Variants in ZBTB40 observed in about 807,000 individuals in gnomAD.
ZBTB40 encodes zinc finger and BTB domain-containing protein 40.
In ZBTB40, 60 loss-of-function variants were observed where a neutral mutation model predicts 117.5. That is an observed-to-expected ratio of 0.51 (90% CI 0.41 to 0.63). The LOEUF is 0.63. Among genes scored for constraint, ZBTB40 ranks in the 30% least tolerant of loss-of-function variants. The probability of loss-of-function intolerance (pLI) is 0.00; values close to 1 mark genes in which losing one functional copy is unlikely to be tolerated. For synonymous variants in ZBTB40, 525 were observed against 577.1 expected (o/e 0.91, Z 1.29); for missense variants, 1,287 against 1,498.5 (o/e 0.86, Z 2.33).
At chr1:22,438,608 C>T (rs1277786541) in intron 1 of ZBTB40, among the ~76,000 whole-genome samples, 1 of 152,184 alleles carries the variant, frequency 6.6e-6, no homozygotes, top group African/African-American at 2.4e-5. Context: ...CTGTTTTCCA[C>T]AGCAAGTGTA....
chr1:22,492,135 G>T (rs1369102229), intron 3 of ZBTB40, among the ~76,000 whole-genome samples: 1 of 152,178 alleles, frequency 6.6e-6, no homozygotes, highest in East Asian at 1.9e-4. Context: ...TCTCAAAGAG[G>T]TGGTGTAATT....
chr1:22,490,731 C>G, intron 2 of ZBTB40, 86 bp downstream of exon 2: 1 of 1,512,660 alleles, frequency 6.6e-7, no homozygotes, highest in Non-Finnish European at 8.9e-7. Flanking sequence ...TTATCAAAGA[C>G]CACTGTTAGG....
rs1443320251 is a variant in ZBTB40 at position 22,524,251 on chromosome 1, C to T, written c.3332C>T (p.Ala1111Val). ...SQPFRCLYCA[A>V]TFRFPGALQH... The stretch of plus-strand genomic sequence containing the variant: ...CCATTCCGGTGCTTGTACTGTGCTG[C>T]TACTTTCCGTTTTCCTGGAGCATTG... Residue 1111 changes from alanine (A) to valine (V), a missense_variant, in exon 17 of 18, where the codon GCT becomes GTT. Coordinates refer to ENST00000375647, the MANE Select transcript of ZBTB40 (RefSeq NM_014870.4). The T allele has an allele frequency of 6.2e-7, 1 of 1,614,076 alleles. No homozygotes were observed. The highest frequency in any genetic ancestry group is 1.3e-5 in the African/African-American group (1 of 74,910).
At chr1:22,449,133 G>A (rs901581959), upstream of ZBTB40, among the ~76,000 whole-genome samples, 3 of 151,958 alleles carry the variant, frequency 2.0e-5, no homozygotes, top group African/African-American at 4.8e-5. Context: ...TTCTTACTAC[G>A]GCCAGGAACA....
At chr1:22,443,089 CA>C (rs1264534189) in intron 1 of ZBTB40, among the ~76,000 whole-genome samples, 1 of 152,154 alleles carries the variant, frequency 6.6e-6, no homozygotes. Context: ...ATAATCATTT[CA>C]AAATACTCCA....
chr1:22,436,772 A>T (rs1288642339), intron 1 of ZBTB40, among the ~76,000 whole-genome samples: 1 of 152,184 alleles, frequency 6.6e-6, no homozygotes, highest in Non-Finnish European at 1.5e-5. Context: ...CTGATATGAA[A>T]TTCTAGGATA....
intron 1 of ZBTB40, among the ~76,000 whole-genome samples, chr1:22,443,699 C>T (rs1640758421): frequency 1.3e-5 from 2 of 152,198 alleles, no homozygotes; most frequent in South Asian, 2.1e-4. Flanking sequence ...TGCAAATTTC[C>T]CCCGCAAGAG....
At position 22,469,811 on chromosome 1, in the gene ZBTB40, A is replaced by G. The variant is rs143799465; in HGVS notation, c.-70+17807A>G. ...CTTGGCCTCCCAAAGTGCTGCTATT[A>G]CAGGTGTGAGCCAGTGTGCCCGGCC... On this transcript the variant is annotated intron_variant, in intron 1 of 17. Coordinates refer to ENST00000375647, the MANE Select transcript of ZBTB40 (RefSeq NM_014870.4). Among the ~76,000 whole-genome samples, 134 of 152,348 alleles carry G rather than the reference A, an allele frequency of 8.8e-4. 1 individual carries two copies. The highest frequency in any genetic ancestry group is 3.0e-3 in the African/African-American group (125 of 41,566).
At chr1:22,475,671 T>G (rs1641536031) in intron 1 of ZBTB40, among the ~76,000 whole-genome samples, 1 of 152,224 alleles carries the variant, frequency 6.6e-6, no homozygotes, top group African/African-American at 2.4e-5. Flanking sequence ...TTCCCTCTTC[T>G]TGACTCTTGT....
Position 22,472,630 on chromosome 1 carries a change from G to T in ZBTB40, c.-69-17250G>T, listed in dbSNP as rs186201610. On this transcript the variant is annotated intron_variant, in intron 1 of 17. Coordinates refer to ENST00000375647, the MANE Select transcript of ZBTB40 (RefSeq NM_014870.4). ...TTGATTCTGTGAGAGACGACAGATG[G>T]CATAATGGCTAGAAAGGAAATGTCA... Among the ~76,000 whole-genome samples, 423 of 152,330 alleles carry T rather than the reference G, an allele frequency of 2.8e-3. 5 individuals are homozygous for T. The highest frequency in any genetic ancestry group is 0.024 in the South Asian group (115 of 4,830).
chr1:22,482,448 A>G (rs1638349152), intron 1 of ZBTB40, among the ~76,000 whole-genome samples: 1 of 152,158 alleles, frequency 6.6e-6, no homozygotes. Context: ...CTCACACCAT[A>G]TTGGTACATT....
chr1:22,457,484 C>T (rs1336023963), intron 1 of ZBTB40, among the ~76,000 whole-genome samples: 1 of 152,146 alleles, frequency 6.6e-6, no homozygotes, highest in Non-Finnish European at 1.5e-5. Flanking sequence ...TCCATTTAAG[C>T]ATTAGAGATT....
At chr1:22,453,335 G>A (rs1190302310) in intron 1 of ZBTB40, among the ~76,000 whole-genome samples, 1 of 152,136 alleles carries the variant, frequency 6.6e-6, no homozygotes, top group African/African-American at 2.4e-5. Context: ...CCCCATGCAT[G>A]TACGCATGCA....
chr1:22,501,342 A>T (rs967053318), intron 3 of ZBTB40, 150 bp from the exon 4 acceptor site: 5 of 806,156 alleles, frequency 6.2e-6, no homozygotes, highest in Admixed American at 4.0e-5. Context: ...GCTTGTTGGA[A>T]CTGCTGCTGG....
Position 22,528,156 on chromosome 1 carries a change from G to C in ZBTB40, c.*1760G>C, listed in dbSNP as rs566065526. 8.5e-5 allele frequency: 13 copies of C among 152,888 alleles called. No homozygotes were observed. Among genetic ancestry groups the C allele is most frequent in the African/African-American group, 3.1e-4 (13 of 41,568 alleles). The allele number at this position is 152,888 out of a possible 1,614,324, so 9.5% of individuals were successfully genotyped here. A position where few individuals can be genotyped will look rare whatever the true frequency, so the allele number is the denominator to read the frequency against. On this transcript the variant is annotated 3_prime_UTR_variant, in exon 18 of 18. Transcript: ENST00000375647. ...CTACCAAGGCTGTGCCTGTATTAAG[G>C]CTTTTCCGTCCTGGGAACTGTCAGT...
chr1:22,516,782 G>T (rs1272749193), intron 12 of ZBTB40, among the ~76,000 whole-genome samples: 4 of 152,042 alleles, frequency 2.6e-5, no homozygotes. Context: ...ATAATCTTTG[G>T]CAGTCTGGTC....
chr1:22,437,495 A>T, intron 1 of ZBTB40, among the ~76,000 whole-genome samples: 1 of 149,830 alleles, frequency 6.7e-6, no homozygotes, highest in East Asian at 2.0e-4. Flanking sequence ...ATCTCAGCTC[A>T]CTGCAACCTC....
In ZBTB40 at chr1:22,529,224, C is replaced by G. The variant is rs1639765354; in HGVS notation, c.*2828C>G. The G allele has an allele frequency of 6.6e-6, 1 of 152,428 alleles. No individual in the cohort carries two copies. Among genetic ancestry groups the G allele is most frequent in the Admixed American group, 6.5e-5 (1 of 15,288 alleles). The allele number at this position is 152,428 out of a possible 1,614,324, so 9.4% of individuals were successfully genotyped here. ...GTGTTTGTGTGGTCTCCTGAGTCCA[C>G]ATCGCTCGCTTCCATGGGGTCCCGG... On this transcript the variant is annotated 3_prime_UTR_variant, in exon 18 of 18. Coordinates refer to ENST00000375647, the MANE Select transcript of ZBTB40 (RefSeq NM_014870.4).
At chr1:22,503,518 C>T (rs1452820683) in intron 5 of ZBTB40, among the ~76,000 whole-genome samples, 2 of 152,110 alleles carry the variant, frequency 1.3e-5, no homozygotes, top group African/African-American at 2.4e-5. Context: ...CGTTTAGAAG[C>T]CACTGATATA....
Sources: allele counts gnomAD v4.1 joint callset (sites outside exome capture counted in the v4.1 genomes callset), GRCh38; gene constraint gnomAD v4.1.1; transcripts MANE v1.5; gene names NCBI Gene and HGNC (gene_info 2026-07-23, HGNC 2026-07-21).